The following CLVS1 variants were observed in gnomAD, a reference collection of about 807,000 sequenced individuals.
The protein encoded by CLVS1 is clavesin 1, also known as clavesin-1.
A neutral mutation model predicts 33.1 loss-of-function variants in CLVS1; 10 were observed. The observed-to-expected ratio is 0.30, with a 90% CI of 0.19 to 0.51. The LOEUF is 0.51. Ranked by LOEUF, CLVS1 falls within the 20% of genes least tolerant of loss-of-function variation. The pLI is 0.97. For synonymous variants in CLVS1, 163 were observed against 166.1 expected (o/e 0.98, Z 0.14); for missense variants, 343 against 433.4 (o/e 0.79, Z 1.85).
At chr8:61,379,365 C>A (rs1813772628) in intron 3 of CLVS1, among the ~76,000 whole-genome samples, 2 of 151,896 alleles carry the variant, frequency 1.3e-5, no homozygotes, top group South Asian at 4.2e-4. Context: ...GTTATGAAAC[C>A]CTCCCCCCCT....
chr8:61,068,249 G>GTATA (rs1325216472), intron 1 of CLVS1, among the ~76,000 whole-genome samples: 1 of 126,774 alleles, frequency 7.9e-6, no homozygotes, highest in Non-Finnish European at 1.6e-5. Flanking sequence ...ATATATATAT[G>GTATA]TATATATATA....
At chr8:61,116,726 C>G (rs1805731863) in intron 1 of CLVS1, among the ~76,000 whole-genome samples, 1 of 144,932 alleles carries the variant, frequency 6.9e-6, no homozygotes, top group Non-Finnish European at 1.5e-5. Flanking sequence ...TTCCATTGAT[C>G]TATATCTCTG....
At chr8:61,168,665 G>A (rs926629107) in intron 2 of CLVS1, among the ~76,000 whole-genome samples, 8 of 152,028 alleles carry the variant, frequency 5.3e-5, no homozygotes, top group African/African-American at 1.7e-4. Context: ...CTCTCACTCG[G>A]CTGACTTGGA....
At chr8:61,365,027 A>G (rs1029599215) in intron 2 of CLVS1, among the ~76,000 whole-genome samples, 2 of 152,218 alleles carry the variant, frequency 1.3e-5, no homozygotes, top group Non-Finnish European at 2.9e-5. Flanking sequence ...ACTGCAGAAT[A>G]TCATTGAGAG....
chr8:61,451,604 A>G (rs1462345285), intron 3 of CLVS1, among the ~76,000 whole-genome samples: 1 of 152,130 alleles, frequency 6.6e-6, no homozygotes, highest in Non-Finnish European at 1.5e-5. Context: ...CATCTGCTCT[A>G]GCCCTTAAGA....
intron 2 of CLVS1, among the ~76,000 whole-genome samples, chr8:61,200,941 A>G (rs981571353): frequency 1.3e-5 from 2 of 152,102 alleles, no homozygotes; most frequent in African/African-American, 4.8e-5. Context: ...GTACCATATG[A>G]TTTTGGGGTT....
chr8:61,439,167 A>C (rs1297169221), intron 3 of CLVS1, among the ~76,000 whole-genome samples: 1 of 152,196 alleles, frequency 6.6e-6, no homozygotes, highest in African/African-American at 2.4e-5. Context: ...CATCATATGA[A>C]GCATACTGTC....
At chr8:61,472,114 A>G (rs1030947836) in intron 5 of CLVS1, among the ~76,000 whole-genome samples, 2 of 152,040 alleles carry the variant, frequency 1.3e-5, no homozygotes, top group African/African-American at 4.8e-5. Flanking sequence ...CCCCCTCCCC[A>G]TGCCCCTCTC....
At chr8:61,308,512 TAGAA>T (rs1341921968) in intron 2 of CLVS1, among the ~76,000 whole-genome samples, 2 of 152,084 alleles carry the variant, frequency 1.3e-5, no homozygotes, top group African/African-American at 2.4e-5. Context: ...TAGTGCTTCT[TAGAA>T]AGAGCACAGT....
intron 2 of CLVS1, among the ~76,000 whole-genome samples, chr8:61,282,933 C>A (rs1181740751): frequency 6.6e-6 from 1 of 152,200 alleles, no homozygotes; most frequent in Non-Finnish European, 1.5e-5. Context: ...TGGCTTCATT[C>A]CCTCCTACCC....
At chr8:61,409,867 C>T (rs1815148971) in intron 3 of CLVS1, among the ~76,000 whole-genome samples, 1 of 152,082 alleles carries the variant, frequency 6.6e-6, no homozygotes, top group Admixed American at 6.5e-5. Flanking sequence ...TTGCATTTCT[C>T]TAATTATGAT....
At chr8:61,092,021 T>C (rs993414909) in intron 1 of CLVS1, among the ~76,000 whole-genome samples, 2 of 152,230 alleles carry the variant, frequency 1.3e-5, no homozygotes, top group African/African-American at 4.8e-5. Context: ...TTTCTTCTTT[T>C]GATTGATCAG....
At chr8:61,357,641 G>C (rs191086515) in intron 2 of CLVS1, among the ~76,000 whole-genome samples, 3 of 151,206 alleles carry the variant, frequency 2.0e-5, no homozygotes, top group Non-Finnish European at 3.0e-5. Context: ...AAGTAGCTGG[G>C]ATTACAGGTG....
intron 2 of CLVS1, among the ~76,000 whole-genome samples, chr8:61,312,424 C>T (rs898249679): frequency 2.0e-5 from 3 of 152,192 alleles, no homozygotes; most frequent in Non-Finnish European, 4.4e-5. Context: ...AATATAACGT[C>T]AGATAAGAAA....
intron 3 of CLVS1, among the ~76,000 whole-genome samples, chr8:61,383,457 T>C (rs890154460): frequency 6.6e-6 from 1 of 152,222 alleles, no homozygotes; most frequent in African/African-American, 2.4e-5. Flanking sequence ...AGGAGAAGGA[T>C]ATTTGCATTT....
chr8:61,362,135 C>T (rs551587749), intron 2 of CLVS1, among the ~76,000 whole-genome samples: 58 of 152,264 alleles, frequency 3.8e-4, no homozygotes, highest in African/African-American at 1.4e-3. Context: ...ATGAGGCCTA[C>T]TCAGGAAAAG....
At position 61,409,068 on chromosome 8, in the gene CLVS1, C is replaced by A. The variant is rs140864050; in HGVS notation, c.630+32289C>A. 2.8e-4 allele frequency among the ~76,000 whole-genome samples: 43 copies of A among 152,168 alleles called. 1 individual carries two copies. The highest frequency in any genetic ancestry group is 8.0e-4 in the African/African-American group (33 of 41,508). ...AGAGACAGGGTAATTTATAAAAAAC[C>A]ATTTTGAGTTTTGTTTTGATTTTCT... On this transcript the variant is annotated intron_variant, in intron 3 of 5. Coordinates refer to ENST00000325897, the MANE Select transcript of CLVS1 (RefSeq NM_173519.3).
At chr8:60,976,320 A>G in the CLVS1 span, among the ~76,000 whole-genome samples, 4 of 152,058 alleles carry the variant, frequency 2.6e-5, no homozygotes, top group Non-Finnish European at 5.9e-5. Flanking sequence ...TTGAACTTGG[A>G]ATTAATAATT....
intron 3 of CLVS1, among the ~76,000 whole-genome samples, chr8:61,407,842 G>C (rs1815050733): frequency 2.0e-5 from 3 of 152,200 alleles, no homozygotes; most frequent in Non-Finnish European, 4.4e-5. Context: ...GGCCAAGCCA[G>C]AGTCTTTTCT....
Sources: gnomAD v4.1 joint callset for allele counts (sites outside exome capture counted in the v4.1 genomes callset) on GRCh38, gnomAD v4.1.1 for gene constraint, MANE v1.5 for transcripts, NCBI Gene and HGNC (gene_info 2026-07-23, HGNC 2026-07-21) for gene names.